Variants in ADAM12 observed in about 807,000 individuals in gnomAD.
ADAM12 encodes the protein disintegrin and metalloproteinase domain-containing protein 12.
ADAM12 carries 70 observed loss-of-function variants against 106.4 expected under a neutral mutation model. That is an observed-to-expected ratio of 0.66 (90% CI 0.54 to 0.80). The LOEUF (loss-of-function observed/expected upper bound fraction) is 0.80. ADAM12 is among the 30% of genes least tolerant of loss of function. ADAM12 has a pLI of 0.00. For missense variants in ADAM12, 1,010 were observed against 1,171.9 expected (o/e 0.86, Z 2.02); for synonymous variants, 420 against 433.5 (o/e 0.97, Z 0.39).
intron 1 of ADAM12, among the ~76,000 whole-genome samples, chr10:126,333,463 T>C (rs534697782): frequency 1.3e-5 from 2 of 152,294 alleles, no homozygotes; most frequent in East Asian, 1.9e-4. Flanking sequence ...AGAAGCTGTA[T>C]GTGTGAGGAG....
intron 3 of ADAM12, among the ~76,000 whole-genome samples, chr10:126,254,170 T>G (rs1316171017): frequency 6.6e-6 from 1 of 152,052 alleles, no homozygotes; most frequent in Non-Finnish European, 1.5e-5. Flanking sequence ...TTAGAACAGG[T>G]TTGTAGCTTG....
intron 7 of ADAM12, 109 bp from the exon 8 acceptor site, chr10:126,108,773 C>T: frequency 1.0e-6 from 1 of 959,404 alleles, no homozygotes; most frequent in Non-Finnish European, 1.6e-6. Flanking sequence ...CCACTGGGGA[C>T]CCTCCACAGT....
chr10:126,332,675 A>G (rs1042205788), intron 1 of ADAM12, among the ~76,000 whole-genome samples: 4 of 152,196 alleles, frequency 2.6e-5, no homozygotes, highest in Non-Finnish European at 4.4e-5. Flanking sequence ...AGCTGCACAT[A>G]TAGCCACGAG....
At chr10:126,328,184 G>T (rs2133847360) in intron 2 of ADAM12, among the ~76,000 whole-genome samples, 1 of 152,274 alleles carries the variant, frequency 6.6e-6, no homozygotes, top group Non-Finnish European at 1.5e-5. Context: ...AACGTAAGTT[G>T]CAGGTGGCAG....
At chr10:126,045,768 C>T (rs1030082601) in intron 17 of ADAM12, among the ~76,000 whole-genome samples, 2 of 152,166 alleles carry the variant, frequency 1.3e-5, no homozygotes, top group African/African-American at 4.8e-5. Flanking sequence ...TTTTGAAACT[C>T]TTCATGAAGG....
At chr10:126,364,481 ATG>A (rs1473203672) in intron 1 of ADAM12, among the ~76,000 whole-genome samples, 1 of 152,182 alleles carries the variant, frequency 6.6e-6, no homozygotes, top group Non-Finnish European at 1.5e-5. Context: ...TAGTCCCAGA[ATG>A]TGTGTATATA....
chr10:126,304,129 G>A (rs148076827), intron 2 of ADAM12, among the ~76,000 whole-genome samples: 1 of 152,054 alleles, frequency 6.6e-6, no homozygotes, highest in African/African-American at 2.4e-5. Context: ...CTGTGATTAC[G>A]ATGAAACACT....
At chr10:126,231,243 C>T (rs1288051014) in intron 3 of ADAM12, among the ~76,000 whole-genome samples, 7 of 152,054 alleles carry the variant, frequency 4.6e-5, no homozygotes, top group Admixed American at 3.9e-4. Context: ...TTAAAGTTTG[C>T]GAGAAACTTA....
At chr10:126,125,894 G>A (rs1428223758) in intron 5 of ADAM12, among the ~76,000 whole-genome samples, 2 of 151,602 alleles carry the variant, frequency 1.3e-5, no homozygotes, top group East Asian at 2.0e-4. Flanking sequence ...AAGCAGAAAC[G>A]GGAGTGACAT....
At chr10:126,354,974 C>T (rs892833529) in intron 1 of ADAM12, among the ~76,000 whole-genome samples, 1 of 151,938 alleles carries the variant, frequency 6.6e-6, no homozygotes, top group Non-Finnish European at 1.5e-5. Context: ...AAATCTGACC[C>T]ACAAGAGTTC....
intron 3 of ADAM12, among the ~76,000 whole-genome samples, chr10:126,267,469 C>T (rs1959121036): frequency 6.6e-6 from 1 of 152,196 alleles, no homozygotes; most frequent in Non-Finnish European, 1.5e-5. Flanking sequence ...ACTAGACGAT[C>T]CCATCTGGGG....
At chr10:126,048,394 A>G (rs558687162) in intron 16 of ADAM12, among the ~76,000 whole-genome samples, 1 of 152,338 alleles carries the variant, frequency 6.6e-6, no homozygotes, top group South Asian at 2.1e-4. Flanking sequence ...TTCAGAATGT[A>G]TAAGAAGATT....
chr10:126,379,688 A>C (rs1208898277), intron 1 of ADAM12, among the ~76,000 whole-genome samples: 4 of 152,280 alleles, frequency 2.6e-5, no homozygotes, highest in Admixed American at 1.3e-4. Flanking sequence ...AACTTAAAGT[A>C]TATTAAAAAA....
At chr10:126,055,979 A>G (rs1279700669) in intron 14 of ADAM12, among the ~76,000 whole-genome samples, 1 of 152,226 alleles carries the variant, frequency 6.6e-6, no homozygotes, top group Non-Finnish European at 1.5e-5. Context: ...ATTCAGGGAA[A>G]GAAATGAAAA....
Position 126,043,222 on chromosome 10 carries a change from G to C in ADAM12, c.1996-74C>G. 4 of 1,390,148 alleles carry C rather than the reference G, an allele frequency of 2.9e-6. No individual in the cohort carries two copies. The South Asian group carries it at 3.8e-5, about 13-fold the overall frequency. The allele number at this position is 1,390,148 out of a possible 1,614,324, so 86.1% of individuals were successfully genotyped here. A position where few individuals can be genotyped will look rare whatever the true frequency, so the allele number is the denominator to read the frequency against. On this transcript the variant is annotated intron_variant, in intron 17 of 22. Coordinates refer to ENST00000448723, the MANE Select transcript of ADAM12 (RefSeq NM_001288973.2). The surrounding 1 kb of genome is among the most constrained non-coding windows in gnomAD (Gnocchi z 4.1). ...CATCACCACAGCAGAAGCAAGGGGG[G>C]CCATGGTCAGAGCCCCCCCCCAACA...
intron 3 of ADAM12, among the ~76,000 whole-genome samples, chr10:126,181,726 G>A (rs1406062009): frequency 1.3e-5 from 2 of 152,170 alleles, no homozygotes; most frequent in African/African-American, 2.4e-5. Flanking sequence ...TTTCTCAGTT[G>A]GTTAAAATTG....
At chr10:126,318,745 T>C (rs938326201) in intron 2 of ADAM12, among the ~76,000 whole-genome samples, 34 of 152,330 alleles carry the variant, frequency 2.2e-4, no homozygotes, top group African/African-American at 8.2e-4. Flanking sequence ...TAAATACCTG[T>C]ATTAGTCTAC....
intron 3 of ADAM12, among the ~76,000 whole-genome samples, chr10:126,221,814 C>T (rs1483780174): frequency 1.3e-5 from 2 of 152,194 alleles, no homozygotes; most frequent in Non-Finnish European, 2.9e-5. Context: ...AGGGCTGAAC[C>T]AGGTGCTACG....
chr10:126,361,488 A>G (rs527284546), intron 1 of ADAM12, among the ~76,000 whole-genome samples: 2 of 152,332 alleles, frequency 1.3e-5, no homozygotes, highest in East Asian at 3.9e-4. Flanking sequence ...AGCAGTACTG[A>G]GCAAAAAGAA....
Sources: allele counts gnomAD v4.1 joint callset (sites outside exome capture counted in the v4.1 genomes callset), GRCh38; gene constraint gnomAD v4.1.1; non-coding constraint Gnocchi (gnomAD v3.1); transcripts MANE v1.5; gene names NCBI Gene and HGNC (gene_info 2026-07-23, HGNC 2026-07-21).